Variants in WIPI1 observed in about 807,000 individuals in gnomAD.
The protein encoded by WIPI1 is WD repeat domain phosphoinositide-interacting protein 1.
WIPI1 carries 45 observed loss-of-function variants against 55.3 expected under a neutral mutation model. The ratio of observed to expected loss-of-function variants is 0.81; its 90% CI spans 0.64 to 1.04. The LOEUF (loss-of-function observed/expected upper bound fraction) is 1.04. Ranked by LOEUF, WIPI1 falls within the 50% of genes least tolerant of loss-of-function variation. The pLI is 0.00. For synonymous variants in WIPI1, 195 were observed against 217.6 expected (o/e 0.90, Z 0.92); for missense variants, 445 against 559.0 (o/e 0.80, Z 2.06).
intron 4 of WIPI1, 136 bp downstream of exon 4, chr17:68,444,357 A>G: frequency 1.3e-6 from 1 of 750,074 alleles, no homozygotes; most frequent in Non-Finnish European, 2.2e-6. Flanking sequence ...ATTAAGACAA[A>G]GCTTCGAGAT....
At chr17:68,441,225 C>T (rs2084062059) in intron 4 of WIPI1, 1 of 152,214 alleles carries the variant, frequency 6.6e-6, no homozygotes, top group African/African-American at 2.4e-5. Flanking sequence ...TGGCCAAGCT[C>T]TTTAAAGGAA....
In WIPI1 at chr17:68,423,812, T is replaced by G. The variant is rs2082965498; in HGVS notation, c.1294-1992A>C. ...GGTTCTTTGGCAAGGAACTACCTCC[T>G]AGATACTAATATCCACATTACCCCA... On this transcript the variant is annotated intron_variant, in intron 12 of 12. Transcript: ENST00000262139. The surrounding 1 kb of genome is among the most constrained non-coding windows in gnomAD (Gnocchi z 4.4). Among the ~76,000 whole-genome samples, 1 of 152,202 alleles carries G rather than the reference T, an allele frequency of 6.6e-6. No individual in the cohort carries two copies. Among genetic ancestry groups the G allele is most frequent in the South Asian group, 2.1e-4 (1 of 4,832 alleles).
At chr17:68,454,462 TA>T (rs1476180061) in intron 1 of WIPI1, among the ~76,000 whole-genome samples, 1 of 152,204 alleles carries the variant, frequency 6.6e-6, no homozygotes, top group Non-Finnish European at 1.5e-5. Flanking sequence ...GACACAGGGA[TA>T]GGGCAACTAC....
chr17:68,422,854 G>T (rs1346010380), intron 12 of WIPI1: 2 of 150,888 alleles, frequency 1.3e-5, no homozygotes, highest in Non-Finnish European at 2.9e-5. Context: ...AGGTTGGCTT[G>T]TTCCTGAAAC....
Position 68,433,504 on chromosome 17 carries a change from G to A in WIPI1, c.764C>T (p.Thr255Met), listed in dbSNP as rs1330162590. 8 of 1,614,026 alleles carry A rather than the reference G, an allele frequency of 5.0e-6. No individual in the cohort carries two copies. Among genetic ancestry groups the A allele is most frequent in the African/African-American group, 1.3e-5 (1 of 74,988 alleles). ...CTGTTCCAGCTTGAAGATGTGTACCGTCTCGGTGTTACTGGAGGCGCAGAG... is the reference window on the plus strand; with the variant it reads ...CTGTTCCAGCTTGAAGATGTGTACCATCTCGGTGTTACTGGAGGCGCAGAG... ...QFLCASSNTETVHIFKLEQVT... is the reference protein window; with the variant it reads ...QFLCASSNTEMVHIFKLEQVT... Residue 255 changes from threonine to methionine, a missense_variant, in exon 8 of 13, where the codon ACG becomes ATG. Physicochemically the swap from Thr to Met is moderately conservative, Grantham distance 81. Transcript: ENST00000262139.
intron 11 of WIPI1, among the ~76,000 whole-genome samples, chr17:68,426,926 G>A (rs1600261809): frequency 6.6e-6 from 1 of 152,250 alleles, no homozygotes; most frequent in South Asian, 2.1e-4. Flanking sequence ...AGGGTCCCAG[G>A]TTTAAAGGCT....
intron 4 of WIPI1, 59 bp from the exon 5 acceptor site, chr17:68,436,538 G>C: frequency 6.6e-7 from 1 of 1,522,418 alleles, no homozygotes. Context: ...TTGCACGGCT[G>C]GAGAGGGCAT....
chr17:68,452,677 A>T (rs990934945), intron 2 of WIPI1, among the ~76,000 whole-genome samples: 2 of 152,246 alleles, frequency 1.3e-5, no homozygotes, highest in Non-Finnish European at 2.9e-5. Context: ...ATTTCACACA[A>T]ATAATTTCTT....
intron 3 of WIPI1, among the ~76,000 whole-genome samples, chr17:68,447,365 T>C (rs1012000319): frequency 2.1e-5 from 3 of 141,924 alleles, no homozygotes; most frequent in African/African-American, 9.5e-5. Flanking sequence ...CTAAGTGTTC[T>C]TCTTTTTTAA....
intron 1 of WIPI1, among the ~76,000 whole-genome samples, chr17:68,454,724 A>ATG (rs2084602647): frequency 6.6e-6 from 1 of 152,208 alleles, no homozygotes; most frequent in African/African-American, 2.4e-5. Context: ...ATAAATATAG[A>ATG]TGTGTTTGGC....
intron 2 of WIPI1, 36 bp downstream of exon 2, chr17:68,452,874 C>A: frequency 1.3e-6 from 2 of 1,593,750 alleles, no homozygotes; most frequent in Non-Finnish European, 1.7e-6. Context: ...TCTGGTTCTC[C>A]TGCAGATCCC....
Position 68,453,010 on chromosome 17 carries a change from A to G in WIPI1, c.81-18T>C, listed in dbSNP as rs1228407518. On this transcript the variant is annotated intron_variant, in intron 1 of 12. Transcript: ENST00000262139. ...CTAGGGATCTGTGGAGGATAATGAC[A>G]GCATGGGAATAACGACAGGTATTCT... 1.3e-5 allele frequency: 21 copies of G among 1,598,118 alleles called. No homozygotes were observed. The highest frequency in any genetic ancestry group is 1.8e-5 in the Non-Finnish European group (21 of 1,165,670).
chr17:68,425,561 C>T (rs916428177), intron 12 of WIPI1, among the ~76,000 whole-genome samples: 1 of 151,846 alleles, frequency 6.6e-6, no homozygotes. Flanking sequence ...TGGGGAGGTG[C>T]GGGTCTGCCG....
Position 68,426,247 on chromosome 17 carries a change from A to AGGGGGGGGGGGGGGGG in WIPI1, c.1193-73_1193-72insCCCCCCCCCCCCCCCC. On this transcript the variant is annotated intron_variant, in intron 11 of 12. Transcript: ENST00000262139. ...TTATGCCATGACCTGGCGGGTGGGG[A>AGGGGGGGGGGGGGGGG]GCGGGGGCTCAAATAAAGGGCAAAG... is the stretch of plus-strand genomic sequence containing the variant. 6.1e-6 allele frequency: 4 copies of AGGGGGGGGGGGGGGGG among 655,812 alleles called. 1 individual carries two copies. Among genetic ancestry groups the AGGGGGGGGGGGGGGGG allele is most frequent in the Admixed American group, 3.9e-5 (1 of 25,782 alleles). The allele number at this position is 655,812 out of a possible 1,614,324, so 40.6% of individuals were successfully genotyped here.
chr17:68,436,623 A>G, intron 4 of WIPI1, 144 bp from the exon 5 acceptor site: 1 of 685,498 alleles, frequency 1.5e-6, no homozygotes, highest in Non-Finnish European at 2.4e-6. Context: ...CTTTCCGCTG[A>G]TGATTCTTCT....
At position 68,435,665 on chromosome 17, in the gene WIPI1, G is replaced by A. The variant is rs1161872898; in HGVS notation, c.576C>T (p.Ile192=). Residue 192 remains isoleucine (I), a synonymous_variant, in exon 6 of 13, where the codon ATC becomes ATT. Transcript: ENST00000262139. ...IAAHEGTLAA[I]TFNASGSKLA... ...GTTTGGAGCCTGAGGCATTGAAGGT[G>A]ATGGCAGCTAGTGTTCCCTCATGGG... The A allele has an allele frequency of 4.3e-6, 7 of 1,614,252 alleles. No homozygotes were observed. Among genetic ancestry groups the A allele is most frequent in the Non-Finnish European group, 5.1e-6 (6 of 1,180,038 alleles).
intron 4 of WIPI1, among the ~76,000 whole-genome samples, chr17:68,442,031 A>G (rs2084101005): frequency 6.6e-6 from 1 of 152,174 alleles, no homozygotes; most frequent in Non-Finnish European, 1.5e-5. Context: ...CTTTACAAAC[A>G]ATATACACTG....
At position 68,433,760 on chromosome 17, in the gene WIPI1, GTTTTTTTTTTTTTTTTTTTTT is replaced by G. The variant is rs556777098; in HGVS notation, c.693-206_693-186del. Among the ~76,000 whole-genome samples, 269 of 72,820 alleles carry G rather than the reference GTTTTTTTTTTTTTTTTTTTTT, an allele frequency of 3.7e-3. 6 individuals are homozygous for G. Among genetic ancestry groups the G allele is most frequent in the African/African-American group, 0.017 (255 of 15,268 alleles). The allele number at this position is 72,820 out of a possible 152,430, so 47.8% of individuals were successfully genotyped here. A position where few individuals can be genotyped will look rare whatever the true frequency, so the allele number is the denominator to read the frequency against. On this transcript the variant is annotated intron_variant, in intron 7 of 12. Coordinates refer to ENST00000262139, the MANE Select transcript of WIPI1 (RefSeq NM_017983.7). Reference sequence around the variant, plus strand: ...TCAGAAAGATTCACAAAGGGTCATAGTTTTTTTTTTTTTTTTTTTTTTTTTTTTTTTTTTTTTTGAGACAGA... The same window carrying G: ...TCAGAAAGATTCACAAAGGGTCATAGTTTTTTTTTTTTTTTTTGAGACAGA...
intron 8 of WIPI1, among the ~76,000 whole-genome samples, chr17:68,431,920 C>T (rs1235278652): frequency 6.6e-6 from 1 of 152,178 alleles, no homozygotes; most frequent in Admixed American, 6.5e-5. Flanking sequence ...CGATCACTCA[C>T]TCGTGGAACC....
Sources: gnomAD v4.1 joint callset for allele counts (sites outside exome capture counted in the v4.1 genomes callset) on GRCh38, gnomAD v4.1.1 for gene constraint, Gnocchi (gnomAD v3.1) non-coding constraint, MANE v1.5 for transcripts, NCBI Gene and HGNC (gene_info 2026-07-23, HGNC 2026-07-21) for gene names.